ITGA2: variants seen among roughly 807,000 people sequenced by gnomAD.
ITGA2 encodes the protein integrin subunit alpha 2, also known as integrin alpha-2.
Under a neutral mutation model 146.3 loss-of-function variants are expected in ITGA2, and 101 were observed. That is an observed-to-expected ratio of 0.69 (90% CI 0.59 to 0.81). ITGA2 has a LOEUF of 0.81. ITGA2 is among the 40% of genes least tolerant of loss of function. ITGA2 has a pLI of 0.00. For missense variants in ITGA2, 1,281 were observed against 1,402.7 expected (o/e 0.91, Z 1.39); for synonymous variants, 477 against 487.1 (o/e 0.98, Z 0.27).
At chr5:53,082,429 A>C (rs1317281264) in intron 26 of ITGA2, among the ~76,000 whole-genome samples, 2 of 152,228 alleles carry the variant, frequency 1.3e-5, no homozygotes, top group Non-Finnish European at 2.9e-5. Context: ...TTAATCTACA[A>C]GTAGGTAAAT....
chr5:53,070,804 G>A (rs3212571), intron 17 of ITGA2, among the ~76,000 whole-genome samples: 8,103 of 151,738 alleles, frequency 0.053, 737 homozygotes, highest in African/African-American at 0.19. Context: ...ACTTCCAGCC[G>A]GAAATTTATT....
intron 1 of ITGA2, among the ~76,000 whole-genome samples, chr5:53,025,073 A>T (rs184543470): frequency 8.6e-4 from 131 of 152,296 alleles, no homozygotes; most frequent in African/African-American, 3.0e-3. Flanking sequence ...TGTTTTATGT[A>T]CAGTCACGTG....
rs1188516356 is a variant in ITGA2, at chr5:53,093,732, A to AT, written c.*3134dup. ...TAAAAGTAAGTAGAGGGCATAAAAG[A>AT]TGTCATATTCAAATTTCCATTTCAT... On this transcript the variant is annotated 3_prime_UTR_variant, in exon 30 of 30. Coordinates refer to ENST00000296585, the MANE Select transcript of ITGA2 (RefSeq NM_002203.4). The AT allele has an allele frequency of 6.6e-6, 1 of 152,498 alleles. No individual in the cohort carries two copies. The highest frequency in any genetic ancestry group is 1.9e-4 in the East Asian group (1 of 5,202). The allele number at this position is 152,498 out of a possible 1,614,324, so 9.4% of individuals were successfully genotyped here. A position where few individuals can be genotyped will look rare whatever the true frequency, so the allele number is the denominator to read the frequency against.
intron 3 of ITGA2, among the ~76,000 whole-genome samples, chr5:53,042,806 G>A (rs949321634): frequency 2.0e-5 from 3 of 151,950 alleles, no homozygotes; most frequent in Non-Finnish European, 4.4e-5. Context: ...CAAGTAAAAA[G>A]TCACTCAATT....
intron 7 of ITGA2, 81 bp from the exon 8 acceptor site, chr5:53,055,457 A>T: frequency 1.6e-6 from 2 of 1,277,076 alleles, no homozygotes; most frequent in Non-Finnish European, 2.3e-6. Context: ...AGCTAGTTTC[A>T]TGTTTCTATT....
At chr5:53,032,047 C>G (rs1743252071) in intron 2 of ITGA2, among the ~76,000 whole-genome samples, 1 of 152,120 alleles carries the variant, frequency 6.6e-6, no homozygotes, top group African/African-American at 2.4e-5. Flanking sequence ...GTGATGAGGA[C>G]TGACTGGGAA....
intron 2 of ITGA2, among the ~76,000 whole-genome samples, chr5:53,034,964 T>C (rs1453335785): frequency 6.6e-6 from 1 of 152,220 alleles, no homozygotes; most frequent in Non-Finnish European, 1.5e-5. Flanking sequence ...ACTTAGACCC[T>C]TGAAGTCAGT....
At position 53,044,047 on chromosome 5, in the gene ITGA2, G is replaced by A. The variant is rs1047257673; in HGVS notation, c.296-954G>A. 4.6e-5 allele frequency among the ~76,000 whole-genome samples: 7 copies of A among 151,770 alleles called. No homozygotes were observed. The East Asian group carries it at 7.8e-4, about 17-fold the overall frequency. Reference sequence around the variant, plus strand: ...CCTAGCACTTTGGGAGGCCGAGGTGGGTAGATAGCCTGAGCTCAGGAGTTC... The same window carrying A: ...CCTAGCACTTTGGGAGGCCGAGGTGAGTAGATAGCCTGAGCTCAGGAGTTC... On this transcript the variant is annotated intron_variant, in intron 3 of 29. Transcript: ENST00000296585.
intron 3 of ITGA2, among the ~76,000 whole-genome samples, chr5:53,043,482 A>G (rs150416987): frequency 1.3e-5 from 2 of 152,312 alleles, no homozygotes; most frequent in East Asian, 3.9e-4. Flanking sequence ...AACAGATCAT[A>G]TTTTGTGTAA....
intron 6 of ITGA2, among the ~76,000 whole-genome samples, chr5:53,050,792 A>G (rs775843850): frequency 1.3e-5 from 2 of 152,206 alleles, no homozygotes; most frequent in Non-Finnish European, 2.9e-5. Context: ...GATGCTCTCC[A>G]GTGGCATTTT....
At chr5:53,069,887 T>C (rs1445627212) in intron 16 of ITGA2, among the ~76,000 whole-genome samples, 1 of 151,870 alleles carries the variant, frequency 6.6e-6, no homozygotes, top group Non-Finnish European at 1.5e-5. Flanking sequence ...CACATTTCTC[T>C]GAATCACATT....
intron 2 of ITGA2, among the ~76,000 whole-genome samples, chr5:53,038,449 C>T (rs1051182163): frequency 6.6e-6 from 1 of 152,082 alleles, no homozygotes; most frequent in Non-Finnish European, 1.5e-5. Flanking sequence ...AGCCTAGGCC[C>T]CACAGTATGG....
intron 1 of ITGA2, among the ~76,000 whole-genome samples, chr5:52,990,574 T>G (rs1043050176): frequency 1.3e-5 from 2 of 151,946 alleles, no homozygotes; most frequent in Non-Finnish European, 2.9e-5. Context: ...TGTGGTTTTT[T>G]TTTTTTTTTT....
Position 53,057,449 on chromosome 5 carries a change from A to G in ITGA2, c.1097-576A>G, listed in dbSNP as rs139336387. On this transcript the variant is annotated intron_variant, in intron 9 of 29. Coordinates refer to ENST00000296585, the MANE Select transcript of ITGA2 (RefSeq NM_002203.4). ...TTGCATCTTACAGTGTTAGTGACAC[A>G]GGCAAGCACATATACAGAACCAGAA... Among the ~76,000 whole-genome samples the G allele has an allele frequency of 1.5e-3, 235 of 152,096 alleles. 1 individual carries two copies. The South Asian group carries it at 0.027, about 17-fold the overall frequency.
Position 53,059,897 on chromosome 5 carries a change from G to A in ITGA2, c.1197G>A (p.Val399=), listed in dbSNP as rs1561132143. The change falls in exon 11 of 30, where the codon GTG becomes GTA. Residue 399 remains valine, a synonymous_variant. Transcript: ENST00000296585. The part of the protein sequence containing the change: ...SQNDILMLGA[V]GAFGWSGTIV... ...AGGATATTCTGATGCTGGGTGCAGT[G>A]GGAGCTTTTGGCTGGAGTGGGACCA... is the stretch of plus-strand genomic sequence containing the variant. 1 of 1,612,228 alleles carries A rather than the reference G, an allele frequency of 6.2e-7. No individual in the cohort carries two copies. The highest frequency in any genetic ancestry group is 1.1e-5 in the South Asian group (1 of 91,052).
intron 2 of ITGA2, among the ~76,000 whole-genome samples, chr5:53,040,246 G>A (rs1364919358): frequency 6.6e-6 from 1 of 152,146 alleles, no homozygotes; most frequent in Admixed American, 6.6e-5. Context: ...GGTTAGAGAA[G>A]AAAGAGTCAG....
chr5:53,005,568 G>A lies in ITGA2; in HGVS notation c.64+16036G>A, dbSNP rs1319019508. On this transcript the variant is annotated intron_variant, in intron 1 of 29. Transcript: ENST00000296585. Reference sequence around the variant, plus strand: ...TGCACTCCAGCCTGGGCAACAGAGCGAGACTCTGTGTCAAAAAAAAAAAAA... The same window carrying A: ...TGCACTCCAGCCTGGGCAACAGAGCAAGACTCTGTGTCAAAAAAAAAAAAA... 1.1e-4 allele frequency among the ~76,000 whole-genome samples: 13 copies of A among 119,658 alleles called. 1 individual carries two copies. Among genetic ancestry groups the A allele is most frequent in the Admixed American group, 5.6e-4 (6 of 10,766 alleles). The allele number at this position is 119,658 out of a possible 152,430, so 78.5% of individuals were successfully genotyped here. A position where few individuals can be genotyped will look rare whatever the true frequency, so the allele number is the denominator to read the frequency against.
At chr5:53,036,043 G>A (rs1289549655) in intron 2 of ITGA2, among the ~76,000 whole-genome samples, 1 of 109,522 alleles carries the variant, frequency 9.1e-6, no homozygotes. Flanking sequence ...TCTTTGACTC[G>A]TATTCATTCA....
At chr5:53,026,341 G>T (rs902441014) in intron 1 of ITGA2, among the ~76,000 whole-genome samples, 2 of 151,996 alleles carry the variant, frequency 1.3e-5, no homozygotes, top group African/African-American at 4.8e-5. Flanking sequence ...TGTTGTTTTG[G>T]GAAGGACAAA....
Sources: allele counts gnomAD v4.1 joint callset (sites outside exome capture counted in the v4.1 genomes callset), GRCh38; gene constraint gnomAD v4.1.1; transcripts MANE v1.5; gene names NCBI Gene and HGNC (gene_info 2026-07-23, HGNC 2026-07-21).